PLXNA4: variants seen among roughly 807,000 people sequenced by gnomAD.
PLXNA4 encodes the protein plexin A4, also known as plexin-A4.
In PLXNA4, 44 loss-of-function variants were observed where a neutral mutation model predicts 191.8. The ratio of observed to expected loss-of-function variants is 0.23; its 90% CI spans 0.18 to 0.29. The LOEUF is 0.29. Ranked by LOEUF, PLXNA4 falls within the 10% of genes least tolerant of loss-of-function variation. The pLI, the probability that PLXNA4 is intolerant of heterozygous loss-of-function variation, is 1.00. For synonymous variants in PLXNA4, 1,082 were observed against 1,009.5 expected, an observed-to-expected ratio of 1.07 and a Z score of -1.36; for missense variants, 1,800 against 2,488.8, an observed-to-expected ratio of 0.72 and a Z score of 5.89.
intron 3 of PLXNA4, among the ~76,000 whole-genome samples, chr7:132,436,379 C>A (rs1795469431): frequency 6.6e-6 from 1 of 152,190 alleles, no homozygotes; most frequent in African/African-American, 2.4e-5. Context: ...GAACACCATG[C>A]CACTATCCAG....
intron 4 of PLXNA4, among the ~76,000 whole-genome samples, chr7:132,256,523 C>G (rs1020473922): frequency 9.2e-5 from 14 of 152,192 alleles, no homozygotes; most frequent in African/African-American, 2.9e-4. Flanking sequence ...AGGGGAGAAT[C>G]AAGGCACTTA....
chr7:132,447,601 A>G (rs1388157325), intron 3 of PLXNA4, among the ~76,000 whole-genome samples: 3 of 152,170 alleles, frequency 2.0e-5, no homozygotes, highest in Non-Finnish European at 4.4e-5. Context: ...TCACTTATCT[A>G]AAATGGGACT....
At chr7:132,183,747 C>CAAAG (rs1214299351) in intron 16 of PLXNA4, among the ~76,000 whole-genome samples, 1 of 152,188 alleles carries the variant, frequency 6.6e-6, no homozygotes, top group East Asian at 1.9e-4. Context: ...AGGTCATGGC[C>CAAAG]AAAGCTCAGA....
intron 31 of PLXNA4, among the ~76,000 whole-genome samples, chr7:132,131,687 TA>T (rs1187547552): frequency 2.0e-5 from 3 of 152,246 alleles, no homozygotes; most frequent in African/African-American, 7.2e-5. Flanking sequence ...GGTGTACTTG[TA>T]GACTAACAGA....
At chr7:132,385,074 G>A in intron 3 of PLXNA4, 1 of 1,533,178 alleles carries the variant, frequency 6.5e-7, no homozygotes, top group Non-Finnish European at 8.8e-7. Flanking sequence ...CAGGACATGA[G>A]CTATGATGTA....
At position 132,436,436 on chromosome 7, in the gene PLXNA4, T is replaced by G. The variant is rs75259866; in HGVS notation, c.1371+52856A>C. On this transcript the variant is annotated intron_variant, in intron 3 of 31. Transcript: ENST00000321063. ...TCCTGGAGCCAGGCGGCGGAAGCCT[T>G]GCCCCATAGATTATGAGCAATGAGA... is the stretch of plus-strand genomic sequence containing the variant. Among the ~76,000 whole-genome samples, 555 of 152,328 alleles carry G rather than the reference T, an allele frequency of 3.6e-3. 1 individual carries two copies. Among genetic ancestry groups the G allele is most frequent in the African/African-American group, 0.013 (541 of 41,590 alleles).
chr7:132,157,224 CT>C (rs576266569), intron 25 of PLXNA4, among the ~76,000 whole-genome samples: 438 of 152,336 alleles, frequency 2.9e-3, no homozygotes, highest in Non-Finnish European at 4.0e-3. Flanking sequence ...CTTTCTCTGG[CT>C]TGTGCAGCCT....
chr7:132,291,474 C>T (rs1009026376), intron 4 of PLXNA4, among the ~76,000 whole-genome samples: 22 of 152,152 alleles, frequency 1.4e-4, no homozygotes, highest in African/African-American at 5.3e-4. Context: ...TGTATTGTTC[C>T]CCATGGAATT....
chr7:132,197,986 T>G (rs934018402), intron 13 of PLXNA4, among the ~76,000 whole-genome samples: 6 of 152,252 alleles, frequency 3.9e-5, no homozygotes, highest in Middle Eastern at 3.4e-3. Context: ...GGGTTACAGG[T>G]CAAGGTCTTT....
At chr7:132,192,693 G>A (rs1797130564) in intron 14 of PLXNA4, among the ~76,000 whole-genome samples, 1 of 152,168 alleles carries the variant, frequency 6.6e-6, no homozygotes, top group East Asian at 1.9e-4. Flanking sequence ...TCAGAATCAT[G>A]AGGAAATTAT....
rs1378466142 is a variant in PLXNA4 at position 132,130,499 on chromosome 7, G to A, written c.5665C>T (p.Leu1889Phe). ...GGTTCTCAGCTGTCTAAGCTCATGA[G>A]GGTTATGACTTGTTCTAGTTTGTAG... ...LAYKLEQVITLMSLDS is the reference protein window; with the variant it reads ...LAYKLEQVITFMSLDS Residue 1889 changes from leucine to phenylalanine, a missense_variant, in exon 32 of 32, where the codon CTC becomes TTC. Coordinates refer to ENST00000321063, the MANE Select transcript of PLXNA4 (RefSeq NM_020911.2). 3 of 1,614,182 alleles carry A rather than the reference G, an allele frequency of 1.9e-6. No individual in the cohort carries two copies. The highest frequency in any genetic ancestry group is 2.2e-5 in the South Asian group (2 of 91,080).
intron 1 of PLXNA4, among the ~76,000 whole-genome samples, chr7:132,556,028 C>T (rs1800787811): frequency 6.6e-6 from 1 of 152,226 alleles, no homozygotes; most frequent in Admixed American, 6.5e-5. Flanking sequence ...CCTAGGGGTC[C>T]TACTAGGGTC....
At chr7:132,336,150 A>C (rs897847961) in intron 3 of PLXNA4, among the ~76,000 whole-genome samples, 6 of 152,250 alleles carry the variant, frequency 3.9e-5, no homozygotes. Context: ...TTATGGAAAT[A>C]GCTTCTGCTC....
In PLXNA4 at chr7:132,132,497, T is replaced by TTCTATTCTATTCTATTCTATTCTA. The variant is rs367658994; in HGVS notation, c.5589+551_5589+552insTAGAATAGAATAGAATAGAATAGA. On this transcript the variant is annotated intron_variant, in intron 31 of 31. Transcript: ENST00000321063. ...GCTCTGCTCTGCTCTGCTCTATTCTTTTCTATTCTATTCTATTCTATTCTA... is the reference window on the plus strand; with the variant it reads ...GCTCTGCTCTGCTCTGCTCTATTCTTTCTATTCTATTCTATTCTATTCTATTCTATTCTATTCTATTCTATTCTA... Among the ~76,000 whole-genome samples, 247 of 111,880 alleles carry TTCTATTCTATTCTATTCTATTCTA rather than the reference T, an allele frequency of 2.2e-3. 11 individuals are homozygous for TTCTATTCTATTCTATTCTATTCTA. The highest frequency in any genetic ancestry group is 6.8e-3 in the African/African-American group (181 of 26,526). 73.4% of individuals were successfully genotyped at this position (111,880 alleles called of 152,430 possible).
At chr7:132,397,373 T>A (rs1793809629) in intron 3 of PLXNA4, among the ~76,000 whole-genome samples, 1 of 152,200 alleles carries the variant, frequency 6.6e-6, no homozygotes, top group Non-Finnish European at 1.5e-5. Flanking sequence ...GATACTGAGA[T>A]GCGTCTTTGA....
intron 3 of PLXNA4, among the ~76,000 whole-genome samples, chr7:132,354,494 C>T (rs73158811): frequency 0.042 from 6,332 of 152,288 alleles, 169 homozygotes; most frequent in Middle Eastern, 0.071. Context: ...ATAAAAATAA[C>T]TTTTGATCAT....
At chr7:132,178,723 C>T (rs1562900956) in intron 20 of PLXNA4, among the ~76,000 whole-genome samples, 5 of 122,064 alleles carry the variant, frequency 4.1e-5, no homozygotes, top group African/African-American at 1.7e-4. Flanking sequence ...TACACACACA[C>T]ACACACACTT....
rs532503944 is a variant in PLXNA4, at chr7:132,536,462, C to T, written c.-86-27683G>A. Reference sequence around the variant, plus strand: ...CACATAGAGGTCTCAACAAATAGAACGACGACCTCAGTGGTGCAGAAGGAA... The same window carrying T: ...CACATAGAGGTCTCAACAAATAGAATGACGACCTCAGTGGTGCAGAAGGAA... On this transcript the variant is annotated intron_variant, in intron 1 of 31. Transcript: ENST00000321063. Among the ~76,000 whole-genome samples the T allele has an allele frequency of 3.9e-5, 6 of 152,296 alleles. No homozygotes were observed. The East Asian group carries it at 7.7e-4, about 20-fold the overall frequency.
intron 4 of PLXNA4, among the ~76,000 whole-genome samples, chr7:132,261,854 C>G (rs1187000279): frequency 6.6e-6 from 1 of 152,222 alleles, no homozygotes; most frequent in Non-Finnish European, 1.5e-5. Flanking sequence ...GACCAACCTA[C>G]ACAACAGTAT....
Sources: gnomAD v4.1 joint callset for allele counts (sites outside exome capture counted in the v4.1 genomes callset) on GRCh38, gnomAD v4.1.1 for gene constraint, MANE v1.5 for transcripts, NCBI Gene and HGNC (gene_info 2026-07-23, HGNC 2026-07-21) for gene names.